The following GALNS variants were observed in gnomAD, a reference collection of about 807,000 sequenced individuals.
GALNS encodes N-acetylgalactosamine-6-sulfatase.
In GALNS, 65 loss-of-function variants were observed where a neutral mutation model predicts 65.9. The observed-to-expected ratio is 0.99, with a 90% CI of 0.81 to 1.21. The LOEUF (loss-of-function observed/expected upper bound fraction) is 1.21, where lower values mean the gene tolerates loss of function less well. Among genes scored for constraint, GALNS ranks in the 50% most tolerant of loss-of-function variants. The pLI is 0.00. For synonymous variants in GALNS, 346 were observed against 288.9 expected, an observed-to-expected ratio of 1.20 and a Z score of -2.00; for missense variants, 776 against 700.7, an observed-to-expected ratio of 1.11 and a Z score of -1.21.
chr16:88,821,147 T>C (rs546763860), intron 12 of GALNS, among the ~76,000 whole-genome samples: 1 of 150,758 alleles, frequency 6.6e-6, no homozygotes, highest in East Asian at 2.0e-4. Context: ...CTTAAAACAA[T>C]GAAACTGCAG....
At chr16:88,846,506 T>TG (rs1967250277) in intron 1 of GALNS, among the ~76,000 whole-genome samples, 2 of 145,014 alleles carry the variant, frequency 1.4e-5, no homozygotes, top group African/African-American at 2.5e-5. Flanking sequence ...AATGCGTTTC[T>TG]GGCTTTTTTT....
intron 9 of GALNS, among the ~76,000 whole-genome samples, chr16:88,829,411 A>G (rs114877875): frequency 0.052 from 7,875 of 152,336 alleles, 250 homozygotes; most frequent in South Asian, 0.082. Flanking sequence ...TCACTCTCAC[A>G]GCCACTCTGC....
chr16:88,847,048 A>G (rs1390792865), intron 1 of GALNS, among the ~76,000 whole-genome samples: 1 of 152,170 alleles, frequency 6.6e-6, no homozygotes, highest in Admixed American at 6.5e-5. Flanking sequence ...TCTGCAGCCC[A>G]GCCATGTCTG....
At chr16:88,828,897 G>A (rs1470841901) in intron 9 of GALNS, among the ~76,000 whole-genome samples, 2 of 152,192 alleles carry the variant, frequency 1.3e-5, no homozygotes, top group Non-Finnish European at 2.9e-5. Context: ...TCCCGGCCTG[G>A]TGGGCACCCA....
At chr16:88,856,266 G>C (rs1160048252) in intron 1 of GALNS, 1 of 703,040 alleles carries the variant, frequency 1.4e-6, no homozygotes, top group Non-Finnish European at 2.6e-6. Context: ...GAGCCCAGCG[G>C]GGGGACCCGG....
chr16:88,830,086 C>T (rs1410138723), intron 9 of GALNS, among the ~76,000 whole-genome samples: 1 of 152,078 alleles, frequency 6.6e-6, no homozygotes, highest in Admixed American at 6.5e-5. Flanking sequence ...CAAAAATTAG[C>T]CGGGCATGGT....
At position 88,843,171 on chromosome 16, in the gene GALNS, C is replaced by T. The variant is rs1348947922; in HGVS notation, c.121-342G>A. The T allele has an allele frequency of 7.9e-6, 11 of 1,387,638 alleles. No individual in the cohort carries two copies. In the South Asian group the frequency reaches 9.8e-5, roughly 12 times the overall value. 86.0% of individuals were successfully genotyped at this position (1,387,638 alleles called of 1,614,324 possible). On this transcript the variant is annotated intron_variant, in intron 1 of 13. Transcript: ENST00000268695. ...AGCCTGACACCAGCATCTGCATGCT[C>T]GCAGGAGCTGGCCTCTAAACACGTG...
chr16:88,817,944 G>GGGCCCCGGGTGGGTGGCTGC (rs1909806626), intron 13 of GALNS, 63 bp downstream of exon 13: 4 of 1,350,704 alleles, frequency 3.0e-6, no homozygotes, highest in Non-Finnish European at 4.1e-6. Context: ...GGTTCATCCT[G>GGGCCCCGGGTGGGTGGCTGC]GGCCCCGGGT....
intron 1 of GALNS, chr16:88,855,542 A>G: frequency 1.4e-6 from 1 of 701,104 alleles, no homozygotes; most frequent in South Asian, 1.5e-5. Flanking sequence ...AATAAGACAT[A>G]TGAGATGGAA....
At chr16:88,835,437 G>T in intron 7 of GALNS, 85 bp from the exon 8 acceptor site, 1 of 1,547,036 alleles carries the variant, frequency 6.5e-7, no homozygotes, top group Non-Finnish European at 8.9e-7. Context: ...TGTGATTCAC[G>T]GAGTTCATTA....
intron 1 of GALNS, among the ~76,000 whole-genome samples, chr16:88,853,251 C>CAAAAAAA (rs34618279): frequency 1.5e-5 from 1 of 64,660 alleles, no homozygotes; most frequent in Non-Finnish European, 2.9e-5. Context: ...GACTCCATCT[C>CAAAAAAA]AAAAAAAAAA....
chr16:88,815,642 A>C (rs531919116), intron 13 of GALNS: 2 of 985,442 alleles, frequency 2.0e-6, no homozygotes, highest in South Asian at 4.7e-5. Flanking sequence ...GCCACGTCAG[A>C]CGCCGCATGG....
At chr16:88,832,282 G>A (rs145108662) in intron 8 of GALNS, among the ~76,000 whole-genome samples, 181 bp from the exon 9 acceptor site, 31 of 152,298 alleles carry the variant, frequency 2.0e-4, no homozygotes, top group African/African-American at 6.3e-4. Context: ...AGATGCCGCG[G>A]CTGCAAAGTC....
chr16:88,824,626 G>A, intron 11 of GALNS, 141 bp downstream of exon 11: 2 of 728,760 alleles, frequency 2.7e-6, no homozygotes, highest in African/African-American at 1.7e-5. Context: ...AACGACTGGG[G>A]GCCACACAGA....
chr16:88,840,957 C>T (rs555185820), intron 4 of GALNS, 35 bp downstream of exon 4: 3 of 1,514,476 alleles, frequency 2.0e-6, no homozygotes, highest in Admixed American at 1.7e-5. Context: ...GTGGATGGAG[C>T]AGGACGCCTG....
At position 88,839,695 on chromosome 16, in the gene GALNS, C is replaced by T. The variant is rs376445917; in HGVS notation, c.422+1297G>A. ...CCCAGCCCGGGCCATCCAGCCACTG[C>T]ACCATGTGCGGGAGGAGCCTGGGGC... On this transcript the variant is annotated intron_variant, in intron 4 of 13. Coordinates refer to ENST00000268695, the MANE Select transcript of GALNS (RefSeq NM_000512.5). 4.1e-3 allele frequency among the ~76,000 whole-genome samples: 631 copies of T among 152,374 alleles called. 4 individuals carry two copies. Among genetic ancestry groups the T allele is most frequent in the Non-Finnish European group, 5.7e-3 (385 of 68,034 alleles).
chr16:88,848,119 G>A (rs746489911), intron 1 of GALNS, among the ~76,000 whole-genome samples: 3 of 152,192 alleles, frequency 2.0e-5, no homozygotes, highest in Admixed American at 1.3e-4. Flanking sequence ...TCCATTCACC[G>A]GACACGTCAG....
chr16:88,815,948 G>A (rs1197132804), intron 13 of GALNS: 35 of 985,318 alleles, frequency 3.6e-5, no homozygotes, highest in East Asian at 3.4e-4. Flanking sequence ...TGCCAGAGAC[G>A]CCACTGAGCC....
Position 88,842,760 on chromosome 16 carries a change from C to T in GALNS, c.190G>A (p.Ala64Thr), listed in dbSNP as rs527906032. The T allele has an allele frequency of 6.2e-7, 1 of 1,612,992 alleles. No individual in the cohort carries two copies. The highest frequency in any genetic ancestry group is 2.2e-5 in the East Asian group (1 of 44,856). The change falls in exon 2 of 14, where the codon GCA becomes ACA. Residue 64 changes from alanine to threonine, a missense_variant. By Grantham distance (58) the Ala-to-Thr change is moderately conservative. Transcript: ENST00000268695. ...RETPNLDRMA[A>T]EGLLFPNFYS... ...AAGTTTGGGAAAAGCAGCCCTTCTG[C>T]AGCCATCCGGTCCAAATTCGGGGTC... is the stretch of plus-strand genomic sequence containing the variant.
Sources: allele counts gnomAD v4.1 joint callset (sites outside exome capture counted in the v4.1 genomes callset), GRCh38; gene constraint gnomAD v4.1.1; transcripts MANE v1.5; gene names NCBI Gene and HGNC (gene_info 2026-07-23, HGNC 2026-07-21).